The following GOLGA5 variants were observed in gnomAD, a reference collection of about 807,000 sequenced individuals.
GOLGA5 encodes golgin subfamily A member 5.
Under a neutral mutation model 93.5 loss-of-function variants are expected in GOLGA5, and 50 were observed. The observed-to-expected ratio is 0.53, with a 90% confidence interval of 0.43 to 0.68. GOLGA5 has a LOEUF of 0.68. GOLGA5 is among the 30% of genes least tolerant of loss of function. The pLI is 0.00. For synonymous variants in GOLGA5, 312 were observed against 304.5 expected (o/e 1.02, Z -0.26); for missense variants, 760 against 856.4 (o/e 0.89, Z 1.40).
Position 92,833,261 on chromosome 14 carries a change from A to C in GOLGA5, c.1859A>C (p.Glu620Ala). 3 of 1,613,978 alleles carry C rather than the reference A, an allele frequency of 1.9e-6. No individual in the cohort carries two copies. Among genetic ancestry groups the C allele is most frequent in the Non-Finnish European group, 2.5e-6 (3 of 1,179,816 alleles). ...AAGAACTCCCTGGTCTTTCAACTGG[A>C]GCGCCTCGAACAGCAGATGAACTCC... Reference protein sequence around the residue: ...TEKNSLVFQLERLEQQMNSAS... With the variant: ...TEKNSLVFQLARLEQQMNSAS... Residue 620 changes from glutamate (E) to alanine (A), a missense_variant, in exon 10 of 13, where the codon GAG (glutamate) becomes GCG (alanine). By Grantham distance (107) the Glu-to-Ala change is moderately radical. Coordinates refer to ENST00000163416, the MANE Select transcript of GOLGA5 (RefSeq NM_005113.4).
Position 92,809,480 on chromosome 14 carries a change from G to T in GOLGA5, c.953G>T (p.Arg318Leu), listed in dbSNP as rs779569127. 4 of 1,613,198 alleles carry T rather than the reference G, an allele frequency of 2.5e-6. No individual in the cohort carries two copies. The highest frequency in any genetic ancestry group is 2.2e-5 in the East Asian group (1 of 44,896). The change falls in exon 4 of 13, where the codon CGC becomes CTC. Residue 318 changes from arginine to leucine, a missense_variant. By Grantham distance (102) the Arg-to-Leu change is moderately radical. Coordinates refer to ENST00000163416, the MANE Select transcript of GOLGA5 (RefSeq NM_005113.4). ...GAAGCTGACCAGCTACTGAGTACTC[G>T]CACAGAAGCATTAGAAGCCTTACAG... ...LQEADQLLST[R>L]TEALEALQSE...
chr14:92,799,911 A>G (rs1395228611), intron 2 of GOLGA5, among the ~76,000 whole-genome samples: 1 of 152,162 alleles, frequency 6.6e-6, no homozygotes, highest in Non-Finnish European at 1.5e-5. Flanking sequence ...CTGGCCAGGG[A>G]TTCTTTATAG....
At chr14:92,835,495 C>T in intron 10 of GOLGA5, 64 bp from the exon 11 acceptor site, 1 of 1,129,730 alleles carries the variant, frequency 8.9e-7, no homozygotes, top group South Asian at 1.3e-5. Context: ...CAGTGTATTT[C>T]CAATTATAAT....
Position 92,811,669 on chromosome 14 carries a change from A to G in GOLGA5, c.1235A>G (p.Gln412Arg). Reference sequence around the variant, plus strand: ...AAGAAGAGGGTTGATGAACTGCAGCAGCAAGTCAAGCTGTATAAGTTGAAC... The same window carrying G: ...AAGAAGAGGGTTGATGAACTGCAGCGGCAAGTCAAGCTGTATAAGTTGAAC... Reference protein sequence around the residue: ...DEKKRVDELQQQVKLYKLNLE... With the variant: ...DEKKRVDELQRQVKLYKLNLE... The change falls in exon 6 of 13, where the codon CAG becomes CGG. Residue 412 changes from glutamine to arginine, a missense_variant. Physicochemically the swap from Gln to Arg is conservative, Grantham distance 43 (BLOSUM62 1). Coordinates refer to ENST00000163416, the MANE Select transcript of GOLGA5 (RefSeq NM_005113.4). 1.2e-6 allele frequency: 2 copies of G among 1,612,714 alleles called. No homozygotes were observed. Among genetic ancestry groups the G allele is most frequent in the South Asian group, 1.1e-5 (1 of 90,906 alleles).
chr14:92,806,612 T>G, intron 2 of GOLGA5, 124 bp from the exon 3 acceptor site: 1 of 682,242 alleles, frequency 1.5e-6, no homozygotes, highest in South Asian at 1.7e-5. Flanking sequence ...CGCGCCTAGC[T>G]GAGAATTTAC....
At chr14:92,808,095 A>AGATG (rs1321323687) in intron 3 of GOLGA5, among the ~76,000 whole-genome samples, 3 of 152,136 alleles carry the variant, frequency 2.0e-5, no homozygotes, top group Non-Finnish European at 4.4e-5. Flanking sequence ...TTAGCTGGGC[A>AGATG]TGGTGGCGCG....
intron 9 of GOLGA5, among the ~76,000 whole-genome samples, chr14:92,832,447 A>G (rs1186137611): frequency 6.6e-6 from 1 of 152,250 alleles, no homozygotes; most frequent in Non-Finnish European, 1.5e-5. Context: ...ATGGAGACAG[A>G]TAAGACCAGA....
chr14:92,803,699 A>G (rs1043944467), intron 2 of GOLGA5, among the ~76,000 whole-genome samples: 4 of 152,210 alleles, frequency 2.6e-5, no homozygotes, highest in African/African-American at 9.7e-5. Flanking sequence ...CACAGCTGAA[A>G]CTTTCAACGC....
chr14:92,829,527 G>T (rs527616930), intron 9 of GOLGA5, among the ~76,000 whole-genome samples: 12 of 152,278 alleles, frequency 7.9e-5, no homozygotes, highest in Admixed American at 3.9e-4. Flanking sequence ...TAGAAATAGC[G>T]AGAGAACTAG....
chr14:92,802,312 T>G (rs1008560032), intron 2 of GOLGA5, among the ~76,000 whole-genome samples: 4 of 152,346 alleles, frequency 2.6e-5, no homozygotes, highest in Non-Finnish European at 2.9e-5. Flanking sequence ...ATGTTTTGCT[T>G]TGTTATTGCT....
intron 9 of GOLGA5, among the ~76,000 whole-genome samples, chr14:92,828,620 G>A (rs895767717): frequency 6.6e-6 from 1 of 151,966 alleles, no homozygotes; most frequent in Non-Finnish European, 1.5e-5. Flanking sequence ...GGCAGCCCAA[G>A]GTATAATTTT....
chr14:92,814,912 T>C (rs1885172420), intron 6 of GOLGA5, among the ~76,000 whole-genome samples: 1 of 152,164 alleles, frequency 6.6e-6, no homozygotes, highest in Non-Finnish European at 1.5e-5. Context: ...CCATCACATA[T>C]TCTTTGTCTT....
At chr14:92,801,735 CTTTTTTTT>C (rs11388778) in intron 2 of GOLGA5, among the ~76,000 whole-genome samples, 103 of 143,274 alleles carry the variant, frequency 7.2e-4, no homozygotes, top group Middle Eastern at 3.5e-3. Context: ...TTCCCTTTTT[CTTTTTTTT>C]TTTTTTGCCA....
intron 1 of GOLGA5, among the ~76,000 whole-genome samples, chr14:92,794,672 C>A (rs1344297003): frequency 6.6e-6 from 1 of 152,336 alleles, no homozygotes; most frequent in African/African-American, 2.4e-5. Flanking sequence ...TTCTCCTGAC[C>A]CCTGCCTGGC....
rs762853769 is a variant in GOLGA5 at position 92,797,709 on chromosome 14, C to A, written c.272C>A (p.Pro91Gln). 8.7e-6 allele frequency: 14 copies of A among 1,614,056 alleles called. No homozygotes were observed. The South Asian group carries it at 1.4e-4, about 16-fold the overall frequency. Residue 91 changes from proline (P) to glutamine (Q), a missense_variant, in exon 2 of 13, where the codon CCA becomes CAA. Transcript: ENST00000163416. ...AATGTGAAAGTAGGATCTCGGACAC[C>A]AGTAGAGGCCTCTCATCCTGTTGAA... Reference protein sequence around the residue: ...TANVKVGSRTPVEASHPVENA... With the variant: ...TANVKVGSRTQVEASHPVENA...
intron 9 of GOLGA5, among the ~76,000 whole-genome samples, chr14:92,828,468 A>G (rs893869856): frequency 3.3e-5 from 5 of 152,236 alleles, no homozygotes; most frequent in African/African-American, 9.7e-5. Flanking sequence ...GATTCCTTTT[A>G]AAATATTACT....
chr14:92,820,723 A>G (rs567099546), intron 8 of GOLGA5, among the ~76,000 whole-genome samples: 145 of 152,296 alleles, frequency 9.5e-4, no homozygotes, highest in African/African-American at 3.4e-3. Context: ...AGACTGGAGA[A>G]TGGCGATGAC....
chr14:92,804,801 A>G (rs970996109), intron 2 of GOLGA5, among the ~76,000 whole-genome samples: 3 of 136,922 alleles, frequency 2.2e-5, no homozygotes, highest in Admixed American at 7.6e-5. Context: ...GATTACAGGC[A>G]CCCGCCACCA....
chr14:92,837,460 T>G lies in GOLGA5; in HGVS notation c.2115+11T>G. 1 of 1,211,864 alleles carries G rather than the reference T, an allele frequency of 8.3e-7. No homozygotes were observed. The highest frequency in any genetic ancestry group is 1.2e-6 in the Non-Finnish European group (1 of 825,290). 75.1% of individuals were successfully genotyped at this position (1,211,864 alleles called of 1,614,324 possible). ...GTAATTATATATATGGTAAGTAAAT[T>G]TATTTGAAAAAACAATGATGCACTT... On this transcript the variant is annotated intron_variant, in intron 12 of 12. Coordinates refer to ENST00000163416, the MANE Select transcript of GOLGA5 (RefSeq NM_005113.4).
Sources: allele counts gnomAD v4.1 joint callset (sites outside exome capture counted in the v4.1 genomes callset), GRCh38; gene constraint gnomAD v4.1.1; transcripts MANE v1.5; gene names NCBI Gene and HGNC (gene_info 2026-07-23, HGNC 2026-07-21).